Variants in DAPK1 observed in about 807,000 individuals in gnomAD.
DAPK1 encodes the protein death-associated protein kinase 1.
Under a neutral mutation model 144.9 loss-of-function variants are expected in DAPK1, and 56 were observed. That is an observed-to-expected ratio of 0.39 (90% CI 0.31 to 0.48). DAPK1 has a LOEUF of 0.48. Among genes scored for constraint, DAPK1 ranks in the 20% least tolerant of loss-of-function variants. The pLI, the probability that DAPK1 is intolerant of heterozygous loss-of-function variation, is 0.95. For synonymous variants in DAPK1, 690 were observed against 749.0 expected (o/e 0.92, Z 1.29); for missense variants, 1,454 against 1,875.4 (o/e 0.78, Z 4.15).
At chr9:87,642,497 T>C (rs1010873026) in intron 10 of DAPK1, among the ~76,000 whole-genome samples, 90 of 152,190 alleles carry the variant, frequency 5.9e-4, no homozygotes, top group Non-Finnish European at 7.5e-4. Context: ...GCCGTGAGCA[T>C]TTGCAGGGTG....
intron 21 of DAPK1, among the ~76,000 whole-genome samples, chr9:87,694,629 A>G (rs566384631): frequency 6.6e-6 from 1 of 152,266 alleles, no homozygotes; most frequent in East Asian, 1.9e-4. Flanking sequence ...CAGACAGGGG[A>G]TTCTGTCCTT....
intron 2 of DAPK1, among the ~76,000 whole-genome samples, chr9:87,593,301 G>A (rs528733720): frequency 1.3e-5 from 2 of 152,350 alleles, no homozygotes; most frequent in Admixed American, 1.3e-4. Flanking sequence ...CCCAGTGTAA[G>A]GTGGAGCTAA....
At chr9:87,574,991 G>A (rs1036452856) in intron 2 of DAPK1, among the ~76,000 whole-genome samples, 5 of 152,010 alleles carry the variant, frequency 3.3e-5, no homozygotes, top group Non-Finnish European at 5.9e-5. Flanking sequence ...GCTGAGGCAG[G>A]TGGATCACCT....
chr9:87,518,389 A>G (rs900570708), intron 2 of DAPK1, among the ~76,000 whole-genome samples: 1 of 151,516 alleles, frequency 6.6e-6, no homozygotes, highest in Admixed American at 6.6e-5. Flanking sequence ...CAGCCTCCCA[A>G]AGTGCTGGGA....
chr9:87,516,926 A>G (rs7043553), intron 2 of DAPK1, among the ~76,000 whole-genome samples: 93,141 of 151,990 alleles, frequency 0.61, 28,882 homozygotes, highest in South Asian at 0.83. Flanking sequence ...GGTACGTACT[A>G]TCTGGCAGCA....
intron 2 of DAPK1, among the ~76,000 whole-genome samples, chr9:87,572,062 TAGAA>T (rs1376278017): frequency 1.3e-5 from 2 of 152,222 alleles, no homozygotes; most frequent in Admixed American, 6.5e-5. Flanking sequence ...AAGTCACAAA[TAGAA>T]AGACTTGCTC....
intron 2 of DAPK1, among the ~76,000 whole-genome samples, chr9:87,574,316 C>T (rs1409382954): frequency 2.6e-5 from 4 of 152,222 alleles, no homozygotes; most frequent in South Asian, 4.1e-4. Context: ...ATTCTAGGAC[C>T]CAAGACACAG....
chr9:87,666,332 A>G (rs1353926385), intron 18 of DAPK1, among the ~76,000 whole-genome samples: 2 of 152,122 alleles, frequency 1.3e-5, no homozygotes, highest in Admixed American at 1.3e-4. Flanking sequence ...TCTTCTCCCA[A>G]CTTCAAACTG....
At chr9:87,626,155 C>T (rs889494274) in intron 3 of DAPK1, among the ~76,000 whole-genome samples, 4 of 152,202 alleles carry the variant, frequency 2.6e-5, no homozygotes, top group African/African-American at 9.7e-5. Context: ...GTGACTCGCA[C>T]CTGTAATCCC....
At chr9:87,563,965 A>G (rs544387535) in intron 2 of DAPK1, among the ~76,000 whole-genome samples, 2 of 152,272 alleles carry the variant, frequency 1.3e-5, no homozygotes, top group Admixed American at 1.3e-4. Context: ...CCACAATGGC[A>G]TAGTTTTTGG....
chr9:87,634,303 T>C (rs1829809331), intron 3 of DAPK1, among the ~76,000 whole-genome samples: 1 of 152,230 alleles, frequency 6.6e-6, no homozygotes, highest in South Asian at 2.1e-4. Context: ...GGACAGTCTC[T>C]GACCTCTGTG....
intron 2 of DAPK1, among the ~76,000 whole-genome samples, chr9:87,515,365 T>C (rs36229266): frequency 0.13 from 19,282 of 152,250 alleles, 1,776 homozygotes; most frequent in East Asian, 0.33. Context: ...TGCTCTGTTT[T>C]ATTGATGAAT....
chr9:87,683,638 C>T (rs1025655596), intron 20 of DAPK1, among the ~76,000 whole-genome samples: 9 of 152,196 alleles, frequency 5.9e-5, no homozygotes, highest in Non-Finnish European at 1.0e-4. Context: ...CCCTTGGCCT[C>T]AGAGGTGAGG....
intron 3 of DAPK1, chr9:87,633,015 G>T (rs1284280730): frequency 4.1e-6 from 4 of 980,090 alleles, no homozygotes; most frequent in Admixed American, 6.2e-5. Flanking sequence ...GGATGAGAAG[G>T]ATGAGTATAT....
At chr9:87,681,012 C>T (rs1448319501) in intron 19 of DAPK1, among the ~76,000 whole-genome samples, 2 of 152,246 alleles carry the variant, frequency 1.3e-5, no homozygotes, top group Non-Finnish European at 2.9e-5. Flanking sequence ...GGCACGGTGG[C>T]TCACACCTGT....
At chr9:87,670,491 A>C (rs1186090583) in intron 19 of DAPK1, among the ~76,000 whole-genome samples, 1 of 152,192 alleles carries the variant, frequency 6.6e-6, no homozygotes, top group African/African-American at 2.4e-5. Context: ...GAAGGCTGAA[A>C]GGCTTCTTCG....
rs1830698060 is a variant in DAPK1, at chr9:87,658,123, C to T, written c.1919C>T (p.Thr640Ile). 4 of 1,333,952 alleles carry T rather than the reference C, an allele frequency of 3.0e-6. No homozygotes were observed. Among genetic ancestry groups the T allele is most frequent in the Non-Finnish European group, 4.3e-6 (4 of 926,846 alleles). The allele number at this position is 1,333,952 out of a possible 1,614,324, so 82.6% of individuals were successfully genotyped here. The change falls in exon 18 of 26, where the codon ACC becomes ATC. Residue 640 changes from threonine to isoleucine, a missense_variant. Physicochemically the swap from Thr to Ile is moderately conservative, Grantham distance 89. This residue lies in a region of DAPK1 where 1,025 missense variants were observed against 1,237.9 expected (regional missense o/e 0.83). Transcript: ENST00000408954. ...ATGGGAGCCAGCGTTGAGGCGCTGA[C>T]CACGGTGAGTGCCCACAGGGCTTCG... is the stretch of plus-strand genomic sequence containing the variant. ...CLMGASVEAL[T>I]TDGKTAEDLA...
At chr9:87,646,622 AG>A in intron 13 of DAPK1, 63 bp downstream of exon 13, 6 of 1,355,714 alleles carry the variant, frequency 4.4e-6, no homozygotes, top group Non-Finnish European at 6.2e-6. Flanking sequence ...TCTTAATCAT[AG>A]GGGTAACAGA....
chr9:87,644,932 C>T (rs923128164), intron 11 of DAPK1, among the ~76,000 whole-genome samples: 4 of 152,196 alleles, frequency 2.6e-5, no homozygotes, highest in Non-Finnish European at 4.4e-5. Flanking sequence ...TAGTCATTGA[C>T]TTCAATTGTG....
Sources: gnomAD v4.1 joint callset for allele counts (sites outside exome capture counted in the v4.1 genomes callset) on GRCh38, gnomAD v4.1.1 for gene constraint, gnomAD v4.1.1 regional missense constraint, MANE v1.5 for transcripts, NCBI Gene and HGNC (gene_info 2026-07-23, HGNC 2026-07-21) for gene names.